PCLO: variants seen among roughly 807,000 people sequenced by gnomAD.
The protein encoded by PCLO is piccolo presynaptic cytomatrix protein.
In PCLO, 82 loss-of-function variants were observed where a neutral mutation model predicts 427.5. That is an observed-to-expected ratio of 0.19 (90% CI 0.16 to 0.23). PCLO has a LOEUF of 0.23. Among genes scored for constraint, PCLO ranks in the 10% least tolerant of loss-of-function variants. The pLI is 1.00. For missense variants in PCLO, 6,239 were observed against 6,115.9 expected, an observed-to-expected ratio of 1.02 and a Z score of -0.67; for synonymous variants, 2,357 against 2,155.4, an observed-to-expected ratio of 1.09 and a Z score of -2.59.
At chr7:82,852,736 T>G (rs1313555581) in intron 10 of PCLO, among the ~76,000 whole-genome samples, 1 of 152,140 alleles carries the variant, frequency 6.6e-6, no homozygotes, top group Non-Finnish European at 1.5e-5. Context: ...ATCCTATTAG[T>G]GCTATCTCTC....
Position 82,824,217 on chromosome 7 carries a change from T to G in PCLO, c.14596+19A>C, listed in dbSNP as rs1254234057. 6.4e-7 allele frequency: 1 copy of G among 1,556,378 alleles called. No individual in the cohort carries two copies. Among genetic ancestry groups the G allele is most frequent in the East Asian group, 2.3e-5 (1 of 43,244 alleles). On this transcript the variant is annotated intron_variant, in intron 19 of 24. Coordinates refer to ENST00000333891, the MANE Select transcript of PCLO (RefSeq NM_033026.6). The stretch of plus-strand genomic sequence containing the variant: ...CAAATAGACACAAAACTTTTTCTAC[T>G]TAAAAAAATATTTCCTACCCTTTGA...
At chr7:82,966,665 A>G (rs1319304118) in intron 3 of PCLO, among the ~76,000 whole-genome samples, 178 bp from the exon 4 acceptor site, 1 of 152,226 alleles carries the variant, frequency 6.6e-6, no homozygotes, top group African/African-American at 2.4e-5. Flanking sequence ...CAAAAAGGCT[A>G]TTTGAACTGT....
At position 82,845,502 on chromosome 7, in the gene PCLO, G is replaced by A. The variant is rs1307354872; in HGVS notation, c.13832-17C>T. 1.3e-6 allele frequency: 2 copies of A among 1,548,686 alleles called. No individual in the cohort carries two copies. Among genetic ancestry groups the A allele is most frequent in the African/African-American group, 2.7e-5 (2 of 73,636 alleles). On this transcript the variant is annotated splice_polypyrimidine_tract_variant and intron_variant, in intron 12 of 24. Transcript: ENST00000333891. ...CCTTATCCACTACAACAAAATGAAAGAGATTTACATACTTCTCCATTTCAT... is the reference window on the plus strand; with the variant it reads ...CCTTATCCACTACAACAAAATGAAAAAGATTTACATACTTCTCCATTTCAT...
At chr7:82,772,996 G>C (rs1188776260) in intron 22 of PCLO, among the ~76,000 whole-genome samples, 4 of 152,102 alleles carry the variant, frequency 2.6e-5, no homozygotes, top group African/African-American at 9.7e-5. Flanking sequence ...TGAGGTAGGA[G>C]AGCTGGTATG....
chr7:83,071,774 TA>T (rs1789822782), intron 3 of PCLO, among the ~76,000 whole-genome samples: 3 of 152,182 alleles, frequency 2.0e-5, no homozygotes, highest in Admixed American at 2.0e-4. Flanking sequence ...AACTTTCAAA[TA>T]AATACACAAA....
intron 6 of PCLO, among the ~76,000 whole-genome samples, chr7:82,934,326 A>C (rs1444799452): frequency 6.6e-6 from 1 of 151,862 alleles, no homozygotes; most frequent in Admixed American, 6.6e-5. Context: ...AACTAATTCT[A>C]GTATATTAAT....
intron 9 of PCLO, among the ~76,000 whole-genome samples, chr7:82,899,607 G>A (rs1421641434): frequency 1.3e-5 from 2 of 151,302 alleles, no homozygotes; most frequent in African/African-American, 4.8e-5. Context: ...AGAAAAAGGG[G>A]CATTCAGAGA....
rs752593107 is a variant in PCLO, at chr7:83,162,561, CCTTCCCCTT to C, written c.23_31del (p.Glu8_Glu10del). ...GGCCGCCGCCAGCCCTTCGGGGAGCCCTTCCCCTTCCAAGCTCGCCTCGTTGCCCATGGC... is the reference window on the plus strand; with the variant it reads ...GGCCGCCGCCAGCCCTTCGGGGAGCCCCAAGCTCGCCTCGTTGCCCATGGC... On this transcript the variant is annotated inframe_deletion, in exon 1 of 25. Coordinates refer to ENST00000333891, the MANE Select transcript of PCLO (RefSeq NM_033026.6). The C allele has an allele frequency of 9.7e-6, 15 of 1,550,400 alleles. No homozygotes were observed. In the South Asian group the frequency reaches 1.5e-4, roughly 16 times the overall value.
intron 2 of PCLO, among the ~76,000 whole-genome samples, chr7:83,153,634 G>A (rs1295702916): frequency 1.3e-5 from 2 of 152,096 alleles, no homozygotes; most frequent in Non-Finnish European, 2.9e-5. Context: ...CTCCAGACAG[G>A]CTAAATGATT....
chr7:82,958,185 T>C (rs972884740), intron 4 of PCLO, among the ~76,000 whole-genome samples: 5 of 152,134 alleles, frequency 3.3e-5, no homozygotes, highest in African/African-American at 1.2e-4. Flanking sequence ...TATCTTGTAC[T>C]GTCTCAATAT....
At chr7:83,099,683 G>A (rs113157772) in intron 3 of PCLO, among the ~76,000 whole-genome samples, 8,486 of 152,134 alleles carry the variant, frequency 0.056, 776 homozygotes, top group African/African-American at 0.19. Context: ...GAGCCACTGC[G>A]TCTGGCCAAA....
intron 9 of PCLO, among the ~76,000 whole-genome samples, chr7:82,895,419 G>GA (rs1350763290): frequency 3.3e-5 from 5 of 151,582 alleles, no homozygotes; most frequent in Admixed American, 2.0e-4. Flanking sequence ...GAATCTAGGA[G>GA]AAAAAAGCTA....
At chr7:83,069,749 T>C (rs992032684) in intron 3 of PCLO, among the ~76,000 whole-genome samples, 3 of 150,126 alleles carry the variant, frequency 2.0e-5, no homozygotes, top group Non-Finnish European at 4.4e-5. Flanking sequence ...TTCTTGGCTC[T>C]TCACAACATA....
intron 6 of PCLO, among the ~76,000 whole-genome samples, chr7:82,935,085 A>C (rs1006498659): frequency 2.0e-5 from 3 of 150,752 alleles, no homozygotes; most frequent in African/African-American, 7.3e-5. Flanking sequence ...GCCTTTCCTA[A>C]AATAAGGACA....
chr7:82,946,180 T>C (rs948939100), intron 6 of PCLO, among the ~76,000 whole-genome samples: 1 of 152,208 alleles, frequency 6.6e-6, no homozygotes, highest in African/African-American at 2.4e-5. Flanking sequence ...CTTGCTAAGA[T>C]TTCATTGTCC....
chr7:82,848,874 G>A (rs189583870), intron 10 of PCLO: 3 of 389,002 alleles, frequency 7.7e-6, no homozygotes, highest in Admixed American at 2.9e-5. Flanking sequence ...TTACTCCAAG[G>A]AAACTTTATC....
chr7:83,078,082 G>C (rs1333546694), intron 3 of PCLO, among the ~76,000 whole-genome samples: 1 of 152,072 alleles, frequency 6.6e-6, no homozygotes, highest in Non-Finnish European at 1.5e-5. Context: ...CTGTGCTCTT[G>C]AGTCCCTCAG....
At chr7:83,010,795 C>T (rs17816879) in intron 3 of PCLO, among the ~76,000 whole-genome samples, 83,695 of 151,432 alleles carry the variant, frequency 0.55, 23,725 homozygotes, top group East Asian at 0.85. Flanking sequence ...ATAAATGTCC[C>T]TCCTCCATGT....
intron 3 of PCLO, among the ~76,000 whole-genome samples, chr7:83,053,035 G>A (rs1789292155): frequency 6.6e-6 from 1 of 151,866 alleles, no homozygotes; most frequent in South Asian, 2.1e-4. Flanking sequence ...TCCCTCTTGG[G>A]AAAGTTCTTC....
Sources: allele counts gnomAD v4.1 joint callset (sites outside exome capture counted in the v4.1 genomes callset), GRCh38; gene constraint gnomAD v4.1.1; transcripts MANE v1.5; gene names NCBI Gene and HGNC (gene_info 2026-07-23, HGNC 2026-07-21).